CTNNA3: variants seen among roughly 807,000 people sequenced by gnomAD.
The protein encoded by CTNNA3 is catenin alpha-3.
Under a neutral mutation model 95.7 loss-of-function variants are expected in CTNNA3, and 76 were observed. That is an observed-to-expected ratio of 0.79 (90% CI 0.66 to 0.96). The LOEUF is 0.96. Among genes scored for constraint, CTNNA3 ranks in the 40% least tolerant of loss-of-function variants. The probability of loss-of-function intolerance (pLI) is 0.00; values close to 1 mark genes in which losing one functional copy is unlikely to be tolerated. For missense variants in CTNNA3, 1,191 were observed against 1,089.8 expected, an observed-to-expected ratio of 1.09 and a Z score of -1.31; for synonymous variants, 431 against 374.4, an observed-to-expected ratio of 1.15 and a Z score of -1.74.
At chr10:67,560,455 A>C (rs917623300) in intron 3 of CTNNA3, among the ~76,000 whole-genome samples, 1 of 152,056 alleles carries the variant, frequency 6.6e-6, no homozygotes, top group Admixed American at 6.6e-5. Flanking sequence ...TTTGTCACCA[A>C]CAGGCCTGCC....
At chr10:67,613,776 G>A (rs1214336499) in intron 2 of CTNNA3, among the ~76,000 whole-genome samples, 1 of 151,272 alleles carries the variant, frequency 6.6e-6, no homozygotes, top group African/African-American at 2.4e-5. Flanking sequence ...CCACAGACTG[G>A]GTGGCTTAAG....
At chr10:67,610,523 T>A (rs12415165) in intron 2 of CTNNA3, among the ~76,000 whole-genome samples, 20,209 of 151,740 alleles carry the variant, frequency 0.13, 2,410 homozygotes, top group African/African-American at 0.32. Context: ...GCTGAAACTA[T>A]TTTTTTTAAC....
At chr10:66,392,288 G>T (rs1351127877) in intron 11 of CTNNA3, among the ~76,000 whole-genome samples, 4 of 151,920 alleles carry the variant, frequency 2.6e-5, no homozygotes, top group African/African-American at 4.8e-5. Flanking sequence ...AAATTAGCCA[G>T]GAGTGGTGGT....
At chr10:66,693,150 T>A (rs779171898) in intron 9 of CTNNA3, among the ~76,000 whole-genome samples, 1 of 152,092 alleles carries the variant, frequency 6.6e-6, no homozygotes, top group South Asian at 2.1e-4. Context: ...ATGCTCCAAT[T>A]AAAAGACACA....
At chr10:66,898,724 A>T (rs1321094623) in intron 7 of CTNNA3, among the ~76,000 whole-genome samples, 2 of 152,206 alleles carry the variant, frequency 1.3e-5, no homozygotes, top group Non-Finnish European at 1.5e-5. Context: ...TTACAGATTT[A>T]CATGTAAAAT....
intron 7 of CTNNA3, among the ~76,000 whole-genome samples, chr10:66,914,637 G>A (rs1436992470): frequency 6.6e-6 from 1 of 151,198 alleles, no homozygotes; most frequent in African/African-American, 2.4e-5. Flanking sequence ...GGGGCAAAAA[G>A]ATAACTTAAA....
intron 10 of CTNNA3, among the ~76,000 whole-genome samples, chr10:66,558,475 G>T (rs1459884946): frequency 6.6e-6 from 1 of 152,034 alleles, no homozygotes; most frequent in Non-Finnish European, 1.5e-5. Context: ...TTCACTGATG[G>T]CCTGCAGGAC....
intron 9 of CTNNA3, among the ~76,000 whole-genome samples, chr10:66,652,230 A>G (rs1241432555): frequency 6.6e-6 from 1 of 151,930 alleles, no homozygotes; most frequent in Non-Finnish European, 1.5e-5. Flanking sequence ...GGCTTTTTGG[A>G]AGTTAATCAA....
intron 11 of CTNNA3, among the ~76,000 whole-genome samples, chr10:66,436,063 T>C (rs770136530): frequency 6.6e-6 from 1 of 152,182 alleles, no homozygotes; most frequent in Non-Finnish European, 1.5e-5. Context: ...TTTCCATTTA[T>C]TTGCATTTGC....
intron 11 of CTNNA3, among the ~76,000 whole-genome samples, chr10:66,454,385 A>C (rs57621080): frequency 0.12 from 17,845 of 152,192 alleles, 1,513 homozygotes; most frequent in African/African-American, 0.24. Context: ...AAATTACAAT[A>C]ATATGAATGA....
chr10:66,289,570 GAATTATTACTTTTAAT>G (rs1231702026), intron 12 of CTNNA3, among the ~76,000 whole-genome samples: 1 of 151,764 alleles, frequency 6.6e-6, no homozygotes, highest in Non-Finnish European at 1.5e-5. Context: ...TTGGTGAACT[GAATTATTACTTTTAAT>G]AATATTTGTT....
At chr10:67,319,171 T>A (rs1193200608) in intron 5 of CTNNA3, among the ~76,000 whole-genome samples, 1 of 152,220 alleles carries the variant, frequency 6.6e-6, no homozygotes, top group East Asian at 1.9e-4. Flanking sequence ...ACATTTCATA[T>A]ATGTTGTCAC....
rs1215370800 is a variant in CTNNA3, at chr10:66,242,509, TA to T, written c.1884+37960del. On this transcript the variant is annotated intron_variant, in intron 13 of 17. Transcript: ENST00000433211. ...AAGTAAAAATATGAAAAATTATTGA[TA>T]AAAAAATAAGCAATGAAAAAATGCT... is the stretch of plus-strand genomic sequence containing the variant. 3.9e-5 allele frequency among the ~76,000 whole-genome samples: 6 copies of T among 152,058 alleles called. No individual in the cohort carries two copies. In the South Asian group the frequency reaches 6.2e-4, roughly 16 times the overall value.
chr10:67,359,061 C>G (rs1263526396), intron 5 of CTNNA3, among the ~76,000 whole-genome samples: 2 of 151,970 alleles, frequency 1.3e-5, no homozygotes, highest in African/African-American at 4.8e-5. Flanking sequence ...TAAATAAATT[C>G]CATAAATATG....
chr10:66,744,492 TG>T lies in CTNNA3; in HGVS notation c.1281+21771del, dbSNP rs1178269749. ...AATGAGAGCATTGGGGTTAGGACAT[TG>T]GGGTTGTCCTGTCTTGTGATTCAGG... On this transcript the variant is annotated intron_variant, in intron 9 of 17. Transcript: ENST00000433211. 7.2e-5 allele frequency among the ~76,000 whole-genome samples: 11 copies of T among 152,288 alleles called. No individual in the cohort carries two copies. In the East Asian group the frequency reaches 2.1e-3, roughly 29 times the overall value.
At chr10:67,080,940 A>G (rs1454609808) in intron 7 of CTNNA3, among the ~76,000 whole-genome samples, 24 of 145,074 alleles carry the variant, frequency 1.7e-4, no homozygotes, top group African/African-American at 6.0e-4. Flanking sequence ...AAACAACAAA[A>G]AAAAAAAAAC....
At chr10:66,875,997 GC>G (rs1844607090) in intron 7 of CTNNA3, among the ~76,000 whole-genome samples, 1 of 152,108 alleles carries the variant, frequency 6.6e-6, no homozygotes. Flanking sequence ...CATCAAGCAG[GC>G]CCAAGACTTG....
At chr10:67,239,779 C>T (rs565381930) in intron 5 of CTNNA3, among the ~76,000 whole-genome samples, 1 of 152,144 alleles carries the variant, frequency 6.6e-6, no homozygotes, top group South Asian at 2.1e-4. Flanking sequence ...GTCATATTAC[C>T]CATGTCATTA....
intron 3 of CTNNA3, 40 bp from the exon 4 acceptor site, chr10:67,539,709 C>A: frequency 1.3e-6 from 2 of 1,569,712 alleles, no homozygotes; most frequent in South Asian, 1.1e-5. Context: ...CTTTAAGTTT[C>A]AACTATGCCT....
Sources: gnomAD v4.1 joint callset for allele counts (sites outside exome capture counted in the v4.1 genomes callset) on GRCh38, gnomAD v4.1.1 for gene constraint, MANE v1.5 for transcripts, NCBI Gene and HGNC (gene_info 2026-07-23, HGNC 2026-07-21) for gene names.